The following PRDM9 variants were observed in gnomAD, a reference collection of about 807,000 sequenced individuals.
PRDM9 encodes the protein PR/SET domain 9.
A neutral mutation model predicts 55.6 loss-of-function variants in PRDM9; 47 were observed. The observed-to-expected ratio is 0.85, with a 90% CI of 0.67 to 1.08. PRDM9 has a LOEUF of 1.08. Among genes scored for constraint, PRDM9 ranks in the 50% least tolerant of loss-of-function variants. The probability of loss-of-function intolerance (pLI) is 0.00; values close to 1 mark genes in which losing one functional copy is unlikely to be tolerated. For missense variants in PRDM9, 867 were observed against 1,040.3 expected (o/e 0.83, Z 2.29); for synonymous variants, 312 against 375.7 (o/e 0.83, Z 1.96).
chr5:23,511,219 A>G (rs1212022033), intron 4 of PRDM9, among the ~76,000 whole-genome samples: 1 of 152,302 alleles, frequency 6.6e-6, no homozygotes, highest in South Asian at 2.1e-4. Flanking sequence ...GCTACATTTC[A>G]GAATTTAACA....
In PRDM9 at chr5:23,526,680, A is replaced by G. The variant is rs1174652514; in HGVS notation, c.1592A>G (p.Gln531Arg). Residue 531 changes from glutamine (Q) to arginine (R), a missense_variant, in exon 11 of 11, where the codon CAA (glutamine) becomes CGA (arginine). This residue lies in a region of PRDM9 where 662 missense variants were observed against 711.9 expected (regional missense o/e 0.93). Transcript: ENST00000296682. ...AAAGTCAAGTATGGAGAGTGTGGACAAGGTTTCAGTGTTAAATCAGATGTT... is the reference window on the plus strand; with the variant it reads ...AAAGTCAAGTATGGAGAGTGTGGACGAGGTTTCAGTGTTAAATCAGATGTT... The part of the protein sequence containing the change: ...IAKVKYGECG[Q>R]GFSVKSDVIT... 3 of 1,614,242 alleles carry G rather than the reference A, an allele frequency of 1.9e-6. No homozygotes were observed. Among genetic ancestry groups the G allele is most frequent in the Admixed American group, 1.7e-5 (1 of 60,032 alleles).
At chr5:23,522,480 A>G in intron 7 of PRDM9, 75 bp downstream of exon 7, 2 of 1,585,888 alleles carry the variant, frequency 1.3e-6, no homozygotes, top group East Asian at 2.2e-5. Flanking sequence ...TTGGCCCACA[A>G]ATCATTCCCT....
Position 23,526,418 on chromosome 5 carries a change from C to G in PRDM9, c.1330C>G (p.Pro444Ala). The change falls in exon 11 of 11, where the codon CCA becomes GCA. Residue 444 changes from proline to alanine, a missense_variant. By Grantham distance (27) the Pro-to-Ala change is conservative. This residue lies in a region of PRDM9 where 662 missense variants were observed against 711.9 expected (regional missense o/e 0.93). Coordinates refer to ENST00000296682, the MANE Select transcript of PRDM9 (RefSeq NM_020227.4). ...DQNQEQQYPD[P>A]HSRNDKTKGQ... ...GAATCAGGAGCAGCAATATCCAGAT[C>G]CACACAGCCGTAATGACAAAACCAA... The G allele has an allele frequency of 6.2e-7, 1 of 1,614,204 alleles. No individual in the cohort carries two copies. Among genetic ancestry groups the G allele is most frequent in the Non-Finnish European group, 8.5e-7 (1 of 1,180,040 alleles).
In PRDM9 at chr5:23,528,065, A is replaced by G; in HGVS notation, c.*292A>G. On this transcript the variant is annotated 3_prime_UTR_variant, in exon 11 of 11. Coordinates refer to ENST00000296682, the MANE Select transcript of PRDM9 (RefSeq NM_020227.4). ...TGTTTGTTTTTTTGCCTCCTGTTCT[A>G]ATAAATTTTGTCTCCATACAAATCT... The G allele has an allele frequency of 5.9e-6, 3 of 509,316 alleles. No homozygotes were observed. Among genetic ancestry groups the G allele is most frequent in the South Asian group, 4.2e-5 (2 of 47,516 alleles). The allele number at this position is 509,316 out of a possible 1,614,324, so 31.5% of individuals were successfully genotyped here.
intron 4 of PRDM9, among the ~76,000 whole-genome samples, chr5:23,514,845 A>G (rs2126414905): frequency 6.6e-6 from 1 of 152,348 alleles, no homozygotes; most frequent in South Asian, 2.1e-4. Context: ...TTGAGGTATT[A>G]AATATGCTTC....
intron 5 of PRDM9, among the ~76,000 whole-genome samples, chr5:23,520,709 T>G (rs1739311852): frequency 6.6e-6 from 1 of 152,184 alleles, no homozygotes. Context: ...CCTCCTTCTC[T>G]TTGTAAGCCC....
intron 1 of PRDM9, among the ~76,000 whole-genome samples, 196 bp downstream of exon 1, chr5:23,507,908 C>T (rs183401473): frequency 2.6e-5 from 4 of 152,050 alleles, no homozygotes; most frequent in Admixed American, 2.0e-4. Flanking sequence ...AGAGGAACAG[C>T]GAATCTCCTA....
At chr5:23,520,865 C>G (rs1427396970) in intron 5 of PRDM9, among the ~76,000 whole-genome samples, 158 bp from the exon 6 acceptor site, 2 of 152,212 alleles carry the variant, frequency 1.3e-5, no homozygotes, top group East Asian at 1.9e-4. Flanking sequence ...AGATTCACTA[C>G]TCACTTAGAC....
In PRDM9 at chr5:23,517,940, T is replaced by G. The variant is rs1739248674; in HGVS notation, c.351+10T>G. 1.3e-6 allele frequency: 2 copies of G among 1,581,462 alleles called. No individual in the cohort carries two copies. Among genetic ancestry groups the G allele is most frequent in the Non-Finnish European group, 8.7e-7 (1 of 1,150,464 alleles). On this transcript the variant is annotated intron_variant, in intron 5 of 10. Coordinates refer to ENST00000296682, the MANE Select transcript of PRDM9 (RefSeq NM_020227.4). ...GCGTAAACACCAGAAGGTAAGTATTTCCCAAATCCTATTGACAAGAAACCT... is the reference window on the plus strand; with the variant it reads ...GCGTAAACACCAGAAGGTAAGTATTGCCCAAATCCTATTGACAAGAAACCT...
chr5:23,525,995 C>T (rs2126433873), intron 10 of PRDM9, among the ~76,000 whole-genome samples: 1 of 152,114 alleles, frequency 6.6e-6, no homozygotes, highest in Non-Finnish European at 1.5e-5. Flanking sequence ...GTTGAGGTTA[C>T]CTAGTCTGGC....
intron 4 of PRDM9, among the ~76,000 whole-genome samples, chr5:23,510,371 T>C (rs1344492185): frequency 6.6e-6 from 1 of 151,684 alleles, no homozygotes; most frequent in African/African-American, 2.4e-5. Context: ...TATTTTTATT[T>C]TTTATTTTTT....
chr5:23,511,737 G>C (rs867788332), intron 4 of PRDM9, among the ~76,000 whole-genome samples: 11 of 152,308 alleles, frequency 7.2e-5, no homozygotes, highest in Admixed American at 2.0e-4. Context: ...GTGAATAAGA[G>C]TGCCAAATTC....
chr5:23,525,743 A>G (rs1460411954), intron 10 of PRDM9, among the ~76,000 whole-genome samples: 4 of 152,130 alleles, frequency 2.6e-5, no homozygotes, highest in Non-Finnish European at 5.9e-5. Flanking sequence ...CTCTTAATAG[A>G]TCCTTTTCCC....
chr5:23,510,627 G>GGAT (rs201050539), intron 4 of PRDM9, among the ~76,000 whole-genome samples: 76,710 of 142,752 alleles, frequency 0.54, 21,616 homozygotes, highest in Non-Finnish European at 0.63. Flanking sequence ...CAAAGTGCTG[G>GGAT]GATGATGATG....
Position 23,509,060 on chromosome 5 carries a change from G to A in PRDM9, c.27G>A (p.Glu9=), listed in dbSNP as rs749429353. The change falls in exon 2 of 11, where the codon GAG becomes GAA. Residue 9 remains glutamate (E), a synonymous_variant. Coordinates refer to ENST00000296682, the MANE Select transcript of PRDM9 (RefSeq NM_020227.4). MSPEKSQE[E]SPEEDTERTE... The stretch of plus-strand genomic sequence containing the variant: ...TGAGCCCTGAAAAGTCCCAAGAGGA[G>A]AGCCCAGAAGAAGACACAGAGAGAA... The A allele has an allele frequency of 1.2e-6, 2 of 1,614,148 alleles. No homozygotes were observed. The highest frequency in any genetic ancestry group is 2.2e-5 in the East Asian group (1 of 44,850).
At chr5:23,523,932 G>T (rs548086268) in intron 9 of PRDM9, among the ~76,000 whole-genome samples, 2 of 152,318 alleles carry the variant, frequency 1.3e-5, no homozygotes, top group South Asian at 2.1e-4. Flanking sequence ...GACTTGGGCT[G>T]AGTGTAGAAT....
In PRDM9 at chr5:23,526,866, C is replaced by G. The variant is rs759073455; in HGVS notation, c.1778C>G (p.Ser593Ter). Reference sequence around the variant, plus strand: ...TGTGGGCGGGGCTTTAGCTGGCAGTCAGTCCTCCTCACTCACCAGAGGACA... The same window carrying G: ...TGTGGGCGGGGCTTTAGCTGGCAGTGAGTCCTCCTCACTCACCAGAGGACA... ...RECGRGFSWQ[S>*]VLLTHQRTHT... Residue 593 changes from serine (S) to a stop codon, truncating the protein, a stop_gained, in exon 11 of 11, where the codon TCA becomes TGA. Coordinates refer to ENST00000296682, the MANE Select transcript of PRDM9 (RefSeq NM_020227.4). LOFTEE classifies it low-confidence loss of function (END_TRUNC). The G allele has an allele frequency of 1.2e-6, 2 of 1,603,402 alleles. No individual in the cohort carries two copies. Among genetic ancestry groups the G allele is most frequent in the African/African-American group, 2.8e-5 (2 of 72,036 alleles).
intron 4 of PRDM9, among the ~76,000 whole-genome samples, chr5:23,517,523 C>A (rs140935721): frequency 9.9e-5 from 15 of 152,238 alleles, no homozygotes; most frequent in African/African-American, 3.6e-4. Flanking sequence ...TGGTGGCTCA[C>A]GCCTGTAATC....
At chr5:23,524,239 A>G (rs2126430871) in intron 9 of PRDM9, 95 bp from the exon 10 acceptor site, 1 of 1,488,698 alleles carries the variant, frequency 6.7e-7, no homozygotes. Flanking sequence ...GCACTAGACC[A>G]TGGAGGCCTA....
Sources: gnomAD v4.1 joint callset for allele counts (sites outside exome capture counted in the v4.1 genomes callset) on GRCh38, gnomAD v4.1.1 for gene constraint, gnomAD v4.1.1 regional missense constraint, MANE v1.5 for transcripts, NCBI Gene and HGNC (gene_info 2026-07-23, HGNC 2026-07-21) for gene names.